PIAS1: variants seen among roughly 807,000 people sequenced by gnomAD.
PIAS1 encodes E3 SUMO-protein ligase PIAS1.
A neutral mutation model predicts 71.3 loss-of-function variants in PIAS1; 6 were observed. The ratio of observed to expected loss-of-function variants is 0.08; its 90% CI spans 0.05 to 0.17. PIAS1 has a LOEUF of 0.17. Among genes scored for constraint, PIAS1 ranks in the 10% least tolerant of loss-of-function variants. PIAS1 has a pLI of 1.00. For synonymous variants in PIAS1, 303 were observed against 292.9 expected, an observed-to-expected ratio of 1.03 and a Z score of -0.35; for missense variants, 555 against 793.6, an observed-to-expected ratio of 0.70 and a Z score of 3.61.
At chr15:68,093,783 A>G (rs2092352099) in intron 2 of PIAS1, among the ~76,000 whole-genome samples, 1 of 152,240 alleles carries the variant, frequency 6.6e-6, no homozygotes. Flanking sequence ...ACAGTAAATA[A>G]TGAGTATAAA....
intron 1 of PIAS1, among the ~76,000 whole-genome samples, chr15:68,068,538 T>C (rs919764582): frequency 1.3e-5 from 2 of 151,950 alleles, no homozygotes; most frequent in African/African-American, 2.4e-5. Flanking sequence ...CTGCAACCTC[T>C]GCCTCCTGGG....
At chr15:68,120,951 T>A (rs2092608335) in intron 2 of PIAS1, among the ~76,000 whole-genome samples, 1 of 152,210 alleles carries the variant, frequency 6.6e-6, no homozygotes. Flanking sequence ...CTATAAAAGT[T>A]TTAAACTGCA....
At position 68,188,785 on chromosome 15, in the gene PIAS1, A is replaced by G. The variant is rs542631964; in HGVS notation, c.*950A>G. The G allele has an allele frequency of 7.2e-5, 11 of 152,322 alleles. No individual in the cohort carries two copies. Among genetic ancestry groups the G allele is most frequent in the African/African-American group, 2.6e-4 (11 of 41,574 alleles). The allele number at this position is 152,322 out of a possible 1,614,324, so 9.4% of individuals were successfully genotyped here. A position where few individuals can be genotyped will look rare whatever the true frequency, so the allele number is the denominator to read the frequency against. ...GTGAATACCTGCTTTTTTTGGCCAC[A>G]GAGTAACAAGTTTTCATGTAAGATC... On this transcript the variant is annotated 3_prime_UTR_variant, in exon 14 of 14. Coordinates refer to ENST00000249636, the MANE Select transcript of PIAS1 (RefSeq NM_016166.3).
At chr15:68,080,741 T>C (rs1318590911) in intron 1 of PIAS1, among the ~76,000 whole-genome samples, 1 of 152,264 alleles carries the variant, frequency 6.6e-6, no homozygotes, top group African/African-American at 2.4e-5. Context: ...CATTTGCTTT[T>C]GTGGATGAAA....
chr15:68,089,884 T>C (rs2092318685), intron 2 of PIAS1, among the ~76,000 whole-genome samples: 1 of 149,450 alleles, frequency 6.7e-6, no homozygotes, highest in African/African-American at 2.5e-5. Flanking sequence ...AAATTTTATT[T>C]TATTTTATTA....
intron 7 of PIAS1, among the ~76,000 whole-genome samples, chr15:68,154,409 T>C (rs2141064173): frequency 6.6e-6 from 1 of 152,286 alleles, no homozygotes; most frequent in African/African-American, 2.4e-5. Context: ...TGCGTGGATT[T>C]AGGAGTGAGG....
chr15:68,109,220 T>A (rs921483893), intron 2 of PIAS1, among the ~76,000 whole-genome samples: 1 of 152,230 alleles, frequency 6.6e-6, no homozygotes, highest in Admixed American at 6.5e-5. Context: ...CTCCTTCATC[T>A]TCTTCTAGTC....
At chr15:68,073,075 G>A (rs2140967667) in intron 1 of PIAS1, among the ~76,000 whole-genome samples, 1 of 152,108 alleles carries the variant, frequency 6.6e-6, no homozygotes, top group East Asian at 1.9e-4. Context: ...GAGTGCAGTG[G>A]CGCAATCTCG....
In PIAS1 at chr15:68,164,812, T is replaced by G. The variant is rs1567071873; in HGVS notation, c.1008+8T>G. On this transcript the variant is annotated splice_region_variant and intron_variant, in intron 8 of 13. Transcript: ENST00000249636. ...GTTTCTCTACTATGTCCAGTAAGTG[T>G]TAACTATTACTTGCTTTCCAGAAAG... is the stretch of plus-strand genomic sequence containing the variant. 1 of 1,496,318 alleles carries G rather than the reference T, an allele frequency of 6.7e-7. No individual in the cohort carries two copies. The highest frequency in any genetic ancestry group is 1.4e-5 in the African/African-American group (1 of 72,898). The allele number at this position is 1,496,318 out of a possible 1,614,324, so 92.7% of individuals were successfully genotyped here. A position where few individuals can be genotyped will look rare whatever the true frequency, so the allele number is the denominator to read the frequency against.
intron 1 of PIAS1, among the ~76,000 whole-genome samples, chr15:68,085,406 G>A (rs1268435102): frequency 6.6e-6 from 1 of 152,208 alleles, no homozygotes; most frequent in Non-Finnish European, 1.5e-5. Context: ...GACTAAATAA[G>A]TTTGCGAACA....
Position 68,079,521 on chromosome 15 carries a change from C to G in PIAS1, c.25-6785C>G, listed in dbSNP as rs564426017. Among the ~76,000 whole-genome samples the G allele has an allele frequency of 5.0e-4, 76 of 152,214 alleles. 1 individual carries two copies. The highest frequency in any genetic ancestry group is 1.8e-3 in the African/African-American group (74 of 41,522). ...TCACTCTGTTGCCTAGACTGGAGTC[C>G]AGTGGTGTGATCACAGCTTACCACA... On this transcript the variant is annotated intron_variant, in intron 1 of 13. Coordinates refer to ENST00000249636, the MANE Select transcript of PIAS1 (RefSeq NM_016166.3).
At chr15:68,162,625 G>A (rs1308752997) in intron 7 of PIAS1, among the ~76,000 whole-genome samples, 1 of 152,186 alleles carries the variant, frequency 6.6e-6, no homozygotes, top group Non-Finnish European at 1.5e-5. Flanking sequence ...GACTATTGAA[G>A]TCCAGGGGCC....
intron 2 of PIAS1, among the ~76,000 whole-genome samples, chr15:68,102,431 C>T (rs549282278): frequency 6.6e-6 from 1 of 152,124 alleles, no homozygotes; most frequent in African/African-American, 2.4e-5. Context: ...TCTTCTAGTT[C>T]TTTTGCCTTT....
rs2093003333 is a variant in PIAS1, at chr15:68,173,383, T to C, written c.1009-349T>C. On this transcript the variant is annotated intron_variant, in intron 8 of 13. Transcript: ENST00000249636. This position sits in a 1 kb window ranked among gnomAD's most constrained non-coding sequence, Gnocchi z 4.3. Reference sequence around the variant, plus strand: ...CCCCATCTGTTTAAAAAAAAAAAACTGGTGAAAGCACTCTCTCCAGAAAAA... The same window carrying C: ...CCCCATCTGTTTAAAAAAAAAAAACCGGTGAAAGCACTCTCTCCAGAAAAA... Among the ~76,000 whole-genome samples the C allele has an allele frequency of 6.6e-6, 1 of 150,834 alleles. No individual in the cohort carries two copies. The highest frequency in any genetic ancestry group is 6.6e-5 in the Admixed American group (1 of 15,162).
In PIAS1 at chr15:68,192,474, C is replaced by G. The variant is rs1205781053; in HGVS notation, c.*4639C>G. The G allele has an allele frequency of 6.6e-6, 1 of 152,250 alleles. No homozygotes were observed. The highest frequency in any genetic ancestry group is 2.4e-5 in the African/African-American group (1 of 41,454). 9.4% of individuals were successfully genotyped at this position (152,250 alleles called of 1,614,324 possible). On this transcript the variant is annotated 3_prime_UTR_variant, in exon 14 of 14. Transcript: ENST00000249636. ...GACCTGGGCTTCCCAGCCAGATGGT[C>G]ACAACTTCACCTAGTTGGCATTTGG...
At chr15:68,159,373 C>T (rs939765634) in intron 7 of PIAS1, among the ~76,000 whole-genome samples, 2 of 151,974 alleles carry the variant, frequency 1.3e-5, no homozygotes, top group Non-Finnish European at 2.9e-5. Context: ...TAAAGTATAA[C>T]TTATAGGCAA....
In PIAS1 at chr15:68,078,785, ATAAT is replaced by A. The variant is rs574745846; in HGVS notation, c.25-7518_25-7515del. Among the ~76,000 whole-genome samples, 225 of 152,348 alleles carry A rather than the reference ATAAT, an allele frequency of 1.5e-3. 4 individuals are homozygous for A. The highest frequency in any genetic ancestry group is 5.1e-3 in the African/African-American group (214 of 41,588). ...ATTAAATAAGATAATCATGCTTACTATAATTAGTATGTTACTGGTACATTATAAG... is the reference window on the plus strand; with the variant it reads ...ATTAAATAAGATAATCATGCTTACTATAGTATGTTACTGGTACATTATAAG... On this transcript the variant is annotated intron_variant, in intron 1 of 13. Transcript: ENST00000249636.
intron 5 of PIAS1, among the ~76,000 whole-genome samples, chr15:68,146,160 C>G (rs540122190): frequency 1.3e-5 from 2 of 152,164 alleles, no homozygotes; most frequent in South Asian, 2.1e-4. Context: ...GTTTTTTCAA[C>G]AAAATCTCAG....
chr15:68,067,289 C>T (rs1010613735), intron 1 of PIAS1, among the ~76,000 whole-genome samples: 1 of 151,960 alleles, frequency 6.6e-6, no homozygotes, highest in African/African-American at 2.4e-5. Flanking sequence ...TGTACCTTGC[C>T]CCCTGTGTTT....
Sources: gnomAD v4.1 joint callset for allele counts (sites outside exome capture counted in the v4.1 genomes callset) on GRCh38, gnomAD v4.1.1 for gene constraint, Gnocchi (gnomAD v3.1) non-coding constraint, MANE v1.5 for transcripts, NCBI Gene and HGNC (gene_info 2026-07-23, HGNC 2026-07-21) for gene names.